Variants in DYM observed in about 807,000 individuals in gnomAD.
DYM encodes the protein dymeclin, also known as dyggve-Melchior-Clausen syndrome protein.
Under a neutral mutation model 93.1 loss-of-function variants are expected in DYM, and 78 were observed. The observed-to-expected ratio is 0.84, with a 90% CI of 0.70 to 1.01. The LOEUF is 1.01. Ranked by LOEUF, DYM falls within the 50% of genes least tolerant of loss-of-function variation. The pLI, the probability that DYM is intolerant of heterozygous loss-of-function variation, is 0.00. For missense variants in DYM, 789 were observed against 845.0 expected, an observed-to-expected ratio of 0.93 and a Z score of 0.82; for synonymous variants, 321 against 319.7, an observed-to-expected ratio of 1.00 and a Z score of -0.04.
At chr18:49,375,398 AT>A (rs911277343) in intron 5 of DYM, among the ~76,000 whole-genome samples, 1 of 151,950 alleles carries the variant, frequency 6.6e-6, no homozygotes, top group East Asian at 1.9e-4. Context: ...GAAATTTAAC[AT>A]TTTTTTAACA....
At chr18:49,408,017 T>C (rs2071721111) in intron 2 of DYM, among the ~76,000 whole-genome samples, 1 of 144,730 alleles carries the variant, frequency 6.9e-6, no homozygotes, top group African/African-American at 2.6e-5. Flanking sequence ...ACTGCCTGAT[T>C]CCAGGAATTT....
chr18:49,165,425 T>C (rs1190985798), intron 14 of DYM, among the ~76,000 whole-genome samples: 2 of 152,140 alleles, frequency 1.3e-5, no homozygotes, highest in Non-Finnish European at 2.9e-5. Context: ...TATTTTTTTA[T>C]GCCAAAACTT....
chr18:49,086,466 C>T (rs548513608), intron 17 of DYM, among the ~76,000 whole-genome samples: 1 of 152,292 alleles, frequency 6.6e-6, no homozygotes, highest in Admixed American at 6.5e-5. Context: ...TTTAAAGGCC[C>T]CACCTCTCAA....
At chr18:49,386,068 T>C (rs2068585641) in intron 3 of DYM, among the ~76,000 whole-genome samples, 2 of 152,008 alleles carry the variant, frequency 1.3e-5, no homozygotes, top group African/African-American at 4.8e-5. Context: ...TGCCGTGGCC[T>C]CCCAAAGAGC....
intron 15 of DYM, among the ~76,000 whole-genome samples, chr18:49,158,003 C>T (rs1267434725): frequency 6.6e-6 from 1 of 152,190 alleles, no homozygotes; most frequent in Non-Finnish European, 1.5e-5. Context: ...GTGCTGGATA[C>T]AAACAACTCA....
At chr18:49,097,602 T>C in intron 16 of DYM, 87 bp from the exon 17 acceptor site, 5 of 1,117,678 alleles carry the variant, frequency 4.5e-6, no homozygotes, top group African/African-American at 1.5e-5. Context: ...AGTCAAACTA[T>C]CATGATTCCA....
intron 17 of DYM, among the ~76,000 whole-genome samples, chr18:49,047,548 A>G (rs1045586480): frequency 6.6e-6 from 1 of 151,908 alleles, no homozygotes; most frequent in Admixed American, 6.6e-5. Flanking sequence ...CTCAGCTGAC[A>G]CCTAAGGCCC....
At chr18:49,112,113 G>GCCTCCTCTCCGCACC (rs1555764011) in intron 16 of DYM, among the ~76,000 whole-genome samples, 9 of 126,184 alleles carry the variant, frequency 7.1e-5, no homozygotes, top group Non-Finnish European at 1.4e-4. Context: ...CTCTGCACCC[G>GCCTCCTCTCCGCACC]CCTCCTCTCC....
At chr18:49,148,741 C>G (rs1418497962) in intron 15 of DYM, among the ~76,000 whole-genome samples, 1 of 152,110 alleles carries the variant, frequency 6.6e-6, no homozygotes, top group Non-Finnish European at 1.5e-5. Context: ...TGATTATAAA[C>G]AAGATTCAGA....
chr18:49,066,964 A>C (rs769197736), intron 17 of DYM, among the ~76,000 whole-genome samples: 39 of 152,244 alleles, frequency 2.6e-4, no homozygotes, highest in Non-Finnish European at 4.4e-4. Flanking sequence ...GGGATATAAA[A>C]AGGCAGATAG....
At position 49,259,442 on chromosome 18, in the gene DYM, T is replaced by C. The variant is rs1291748790; in HGVS notation, c.1252-949A>G. ...TAAAGACAAATTCGGGGAATCCTAC[T>C]AAACAGATAACCCAGTTTCTTCAAC... is the stretch of plus-strand genomic sequence containing the variant. On this transcript the variant is annotated intron_variant, in intron 11 of 17. Coordinates refer to ENST00000675505, the MANE Select transcript of DYM (RefSeq NM_001353214.3). Among the ~76,000 whole-genome samples, 11 of 152,306 alleles carry C rather than the reference T, an allele frequency of 7.2e-5. No homozygotes were observed. The South Asian group carries it at 2.3e-3, about 32-fold the overall frequency.
At chr18:49,045,807 G>A (rs2144126297) in intron 17 of DYM, among the ~76,000 whole-genome samples, 1 of 152,268 alleles carries the variant, frequency 6.6e-6, no homozygotes, top group East Asian at 1.9e-4. Flanking sequence ...GGAGGGGGTG[G>A]GGGAAGAGCA....
intron 8 of DYM, among the ~76,000 whole-genome samples, chr18:49,313,127 G>C (rs1044877024): frequency 6.6e-6 from 1 of 152,206 alleles, no homozygotes; most frequent in Middle Eastern, 3.4e-3. Context: ...GGATGAGACC[G>C]GAGGTCAACA....
chr18:49,044,292 CGGGGAG>C, intron 17 of DYM, 88 bp from the exon 18 acceptor site: 2 of 1,489,262 alleles, frequency 1.3e-6, no homozygotes, highest in Non-Finnish European at 1.9e-6. Flanking sequence ...CTGTGGTGTG[CGGGGAG>C]CCCACCCACC....
intron 6 of DYM, among the ~76,000 whole-genome samples, chr18:49,354,906 T>C (rs76326179): frequency 0.094 from 14,326 of 151,974 alleles, 873 homozygotes; most frequent in East Asian, 0.31. Flanking sequence ...TAACCATCAT[T>C]CATTCATCTA....
At chr18:49,105,431 A>G (rs1345421813) in intron 16 of DYM, among the ~76,000 whole-genome samples, 3 of 151,860 alleles carry the variant, frequency 2.0e-5, no homozygotes, top group Non-Finnish European at 4.4e-5. Flanking sequence ...GCTCTTAGTT[A>G]TTTCTTGCCT....
intron 8 of DYM, among the ~76,000 whole-genome samples, chr18:49,326,355 T>C (rs1029995054): frequency 6.6e-6 from 1 of 152,150 alleles, no homozygotes; most frequent in African/African-American, 2.4e-5. Context: ...GGAAAATTAC[T>C]AATACAGCTT....
intron 15 of DYM, among the ~76,000 whole-genome samples, chr18:49,119,657 G>A (rs551852450): frequency 6.6e-6 from 1 of 152,260 alleles, no homozygotes; most frequent in South Asian, 2.1e-4. Flanking sequence ...CAACAAAGGT[G>A]GTTAAGGGAT....
intron 17 of DYM, among the ~76,000 whole-genome samples, chr18:49,072,908 T>C (rs1238160509): frequency 6.6e-6 from 1 of 152,238 alleles, no homozygotes; most frequent in Admixed American, 6.5e-5. Flanking sequence ...CTCTTAAACC[T>C]GCAGGGCTGG....
Sources: gnomAD v4.1 joint callset for allele counts (sites outside exome capture counted in the v4.1 genomes callset) on GRCh38, gnomAD v4.1.1 for gene constraint, MANE v1.5 for transcripts, NCBI Gene and HGNC (gene_info 2026-07-23, HGNC 2026-07-21) for gene names.